RIMKLA: variants seen among roughly 807,000 people sequenced by gnomAD.
The protein encoded by RIMKLA is N-acetylaspartylglutamate synthase A.
Under a neutral mutation model 32.7 loss-of-function variants are expected in RIMKLA, and 14 were observed. The observed-to-expected ratio is 0.43, with a 90% CI of 0.28 to 0.67. The LOEUF is 0.67. Among genes scored for constraint, RIMKLA ranks in the 30% least tolerant of loss-of-function variants. The pLI, the probability that RIMKLA is intolerant of heterozygous loss-of-function variation, is 0.18. For missense variants in RIMKLA, 410 were observed against 519.0 expected, an observed-to-expected ratio of 0.79 and a Z score of 2.04; for synonymous variants, 176 against 204.1, an observed-to-expected ratio of 0.86 and a Z score of 1.18.
chr1:42,393,400 T>C (rs1643016381), intron 1 of RIMKLA, among the ~76,000 whole-genome samples: 2 of 152,216 alleles, frequency 1.3e-5, no homozygotes, highest in Admixed American at 6.5e-5. Flanking sequence ...GCAGAGACCA[T>C]CTAGTTCAAC....
At chr1:42,406,135 T>G (rs928931444) in intron 3 of RIMKLA, among the ~76,000 whole-genome samples, 1 of 152,210 alleles carries the variant, frequency 6.6e-6, no homozygotes, top group Non-Finnish European at 1.5e-5. Context: ...CAAAAGTTCC[T>G]GCCCTCGAGT....
At chr1:42,413,790 T>C (rs71654241) in intron 4 of RIMKLA, among the ~76,000 whole-genome samples, 60,820 of 149,528 alleles carry the variant, frequency 0.41, 12,935 homozygotes, top group Middle Eastern at 0.55. Context: ...TGGCGTGGAG[T>C]GGCATGATCA....
chr1:42,397,624 C>A (rs1017197352), intron 1 of RIMKLA, among the ~76,000 whole-genome samples: 9 of 152,062 alleles, frequency 5.9e-5, no homozygotes, highest in African/African-American at 2.2e-4. Context: ...ACTTGGAAAG[C>A]TGAGGTGGGA....
intron 3 of RIMKLA, among the ~76,000 whole-genome samples, chr1:42,404,863 T>G (rs745842198): frequency 1.9e-4 from 29 of 152,198 alleles, no homozygotes; most frequent in African/African-American, 2.9e-4. Flanking sequence ...TTTTTTGAAG[T>G]AATTTCTCTG....
chr1:42,387,355 C>T (rs973750628), intron 1 of RIMKLA, among the ~76,000 whole-genome samples: 2 of 152,030 alleles, frequency 1.3e-5, no homozygotes, highest in Non-Finnish European at 2.9e-5. Flanking sequence ...TGTGATAGTG[C>T]CACTGCTCTC....
At chr1:42,388,284 A>C (rs1642967618) in intron 1 of RIMKLA, among the ~76,000 whole-genome samples, 1 of 151,998 alleles carries the variant, frequency 6.6e-6, no homozygotes, top group Non-Finnish European at 1.5e-5. Context: ...GGCTCACTAC[A>C]ACCTCTGCCT....
chr1:42,381,364 C>G (rs755788668), intron 1 of RIMKLA, among the ~76,000 whole-genome samples: 1 of 152,218 alleles, frequency 6.6e-6, no homozygotes, highest in African/African-American at 2.4e-5. Flanking sequence ...CCCGAATTCA[C>G]CTGAAGCCAC....
At position 42,414,940 on chromosome 1, in the gene RIMKLA, A is replaced by G. The variant is rs1396076884; in HGVS notation, c.1142A>G (p.Asn381Ser). Reference sequence around the variant, plus strand: ...CTGCCCGAACCTGGCTACAACATTAACAACAGGATTGCTTCTGAGTTAAAA... The same window carrying G: ...CTGCCCGAACCTGGCTACAACATTAGCAACAGGATTGCTTCTGAGTTAAAA... ...SMLPEPGYNINNRIASELKLK is the reference protein window; with the variant it reads ...SMLPEPGYNISNRIASELKLK The change falls in exon 5 of 5, where the codon AAC becomes AGC. Residue 381 changes from asparagine to serine, a missense_variant. Asn to Ser is a conservative substitution (Grantham distance 46). Coordinates refer to ENST00000431473, the MANE Select transcript of RIMKLA (RefSeq NM_173642.4). 2 of 1,612,952 alleles carry G rather than the reference A, an allele frequency of 1.2e-6. No homozygotes were observed. The highest frequency in any genetic ancestry group is 1.1e-5 in the South Asian group (1 of 90,896).
At chr1:42,386,175 G>A (rs868359409) in intron 1 of RIMKLA, among the ~76,000 whole-genome samples, 1 of 151,698 alleles carries the variant, frequency 6.6e-6, no homozygotes, top group African/African-American at 2.4e-5. Flanking sequence ...TGCCCACCTC[G>A]GCCTCCAAAA....
chr1:42,410,363 A>G (rs1643186897), intron 4 of RIMKLA, among the ~76,000 whole-genome samples, 176 bp downstream of exon 4: 1 of 152,070 alleles, frequency 6.6e-6, no homozygotes, highest in Non-Finnish European at 1.5e-5. Context: ...GTACAAGTGT[A>G]AGCGCTGTGG....
At chr1:42,399,268 A>G in intron 1 of RIMKLA, 136 bp from the exon 2 acceptor site, 1 of 623,972 alleles carries the variant, frequency 1.6e-6, no homozygotes, top group Admixed American at 2.9e-5. Context: ...GTTTCCTTGT[A>G]CACCAGGATG....
Position 42,398,905 on chromosome 1 carries a change from C to G in RIMKLA, c.164-499C>G, listed in dbSNP as rs369293782. ...TTACTTGAGCCTGGGAGGCAGAGGT[C>G]GCAGTGAGCCAAGATGATGCCACTG... On this transcript the variant is annotated intron_variant, in intron 1 of 4. Transcript: ENST00000431473. 2.8e-5 allele frequency among the ~76,000 whole-genome samples: 4 copies of G among 141,432 alleles called. No homozygotes were observed. In the Admixed American group the frequency reaches 3.0e-4, roughly 11 times the overall value. 92.8% of individuals were successfully genotyped at this position (141,432 alleles called of 152,430 possible).
At chr1:42,405,717 C>T (rs772177051) in intron 3 of RIMKLA, among the ~76,000 whole-genome samples, 2 of 152,206 alleles carry the variant, frequency 1.3e-5, no homozygotes, top group African/African-American at 2.4e-5. Flanking sequence ...TGTGTAGACA[C>T]AGTTGCATTG....
intron 1 of RIMKLA, among the ~76,000 whole-genome samples, chr1:42,395,669 G>A (rs548827143): frequency 7.2e-5 from 11 of 152,262 alleles, no homozygotes; most frequent in South Asian, 4.1e-4. Context: ...AAATGTTAAC[G>A]ATCCTGGGAG....
chr1:42,384,636 A>ATG (rs138115644), intron 1 of RIMKLA, among the ~76,000 whole-genome samples: 1 of 21,850 alleles, frequency 4.6e-5, no homozygotes, highest in African/African-American at 2.9e-4. Flanking sequence ...GTGTGTGTGT[A>ATG]TATATATATA....
rs1435850887 is a variant in RIMKLA at position 42,385,779 on chromosome 1, G to GTTTC, written c.163+4685_163+4686insCTTT. Among the ~76,000 whole-genome samples the GTTTC allele has an allele frequency of 1.8e-4, 17 of 95,176 alleles. 1 individual carries two copies. The highest frequency in any genetic ancestry group is 1.2e-3 in the East Asian group (4 of 3,298). 62.4% of individuals were successfully genotyped at this position (95,176 alleles called of 152,430 possible). A position where few individuals can be genotyped will look rare whatever the true frequency, so the allele number is the denominator to read the frequency against. On this transcript the variant is annotated intron_variant, in intron 1 of 4. Coordinates refer to ENST00000431473, the MANE Select transcript of RIMKLA (RefSeq NM_173642.4). ...TCTTTCTTTCTTTCTTTGTTTCTTT[G>GTTTC]TTTGTTTGTTTCTTTCTTTCTCTCT...
intron 1 of RIMKLA, among the ~76,000 whole-genome samples, chr1:42,382,568 C>G (rs1387644642): frequency 6.6e-6 from 1 of 152,190 alleles, no homozygotes; most frequent in Non-Finnish European, 1.5e-5. Flanking sequence ...CATCTTTCTA[C>G]CCAGGATGAA....
chr1:42,389,620 T>C (rs1398074251), intron 1 of RIMKLA, among the ~76,000 whole-genome samples: 1 of 152,108 alleles, frequency 6.6e-6, no homozygotes, highest in African/African-American at 2.4e-5. Context: ...GAGACCGGCC[T>C]GGCCAACATG....
chr1:42,394,243 A>G (rs1354763471), intron 1 of RIMKLA, among the ~76,000 whole-genome samples: 1 of 151,962 alleles, frequency 6.6e-6, no homozygotes, highest in Non-Finnish European at 1.5e-5. Context: ...TGTTTTCTTA[A>G]TTTTTCTGCT....
Sources: gnomAD v4.1 joint callset for allele counts (sites outside exome capture counted in the v4.1 genomes callset) on GRCh38, gnomAD v4.1.1 for gene constraint, MANE v1.5 for transcripts, NCBI Gene and HGNC (gene_info 2026-07-23, HGNC 2026-07-21) for gene names.